Variants in SCTR observed in about 807,000 individuals in gnomAD.
SCTR encodes the protein pancreatic secretin receptor.
In SCTR, 56 loss-of-function variants were observed where a neutral mutation model predicts 60.8. The ratio of observed to expected loss-of-function variants is 0.92; its 90% CI spans 0.74 to 1.15. SCTR has a LOEUF of 1.15. SCTR is among the 50% of genes most tolerant of loss of function. SCTR has a pLI of 0.00. For synonymous variants in SCTR, 202 were observed against 217.0 expected (o/e 0.93, Z 0.61); for missense variants, 562 against 550.4 (o/e 1.02, Z -0.21).
At chr2:119,450,931 C>A (rs1011563868) in intron 9 of SCTR, among the ~76,000 whole-genome samples, 5 of 152,154 alleles carry the variant, frequency 3.3e-5, no homozygotes, top group African/African-American at 9.7e-5. Context: ...CCACTGCGCT[C>A]CAGCCTGGGT....
intron 10 of SCTR, 72 bp downstream of exon 10, chr2:119,448,617 A>G: frequency 2.3e-6 from 2 of 856,970 alleles, no homozygotes; most frequent in South Asian, 2.7e-5. Context: ...AGCTAGCACC[A>G]GTTAAGTAAA....
chr2:119,454,226 C>A (rs893068728), intron 7 of SCTR, among the ~76,000 whole-genome samples: 2 of 152,134 alleles, frequency 1.3e-5, no homozygotes, highest in South Asian at 2.1e-4. Context: ...ACCCGGTACC[C>A]AGGAGGCAGG....
intron 11 of SCTR, among the ~76,000 whole-genome samples, chr2:119,442,269 T>C (rs899501512): frequency 1.3e-5 from 2 of 152,176 alleles, no homozygotes; most frequent in African/African-American, 4.8e-5. Context: ...GGTGTGGAGC[T>C]CTGTCAGGGG....
At chr2:119,479,976 T>C (rs1198853021) in intron 2 of SCTR, 2 of 152,156 alleles carry the variant, frequency 1.3e-5, no homozygotes, top group African/African-American at 4.8e-5. Flanking sequence ...TTCAATGGGG[T>C]GTCAGGTCTT....
chr2:119,490,980 C>T (rs1270150336), intron 2 of SCTR, among the ~76,000 whole-genome samples: 2 of 152,158 alleles, frequency 1.3e-5, no homozygotes, highest in African/African-American at 2.4e-5. Context: ...TCCACAAGTG[C>T]CCACAGTGAT....
intron 4 of SCTR, among the ~76,000 whole-genome samples, chr2:119,466,321 C>G (rs1683833292): frequency 6.6e-6 from 1 of 152,156 alleles, no homozygotes; most frequent in African/African-American, 2.4e-5. Context: ...CTTCTGGATC[C>G]ACTTAAAATG....
Position 119,502,917 on chromosome 2 carries a change from C to T in SCTR, c.73-8369G>A, listed in dbSNP as rs532752420. On this transcript the variant is annotated intron_variant, in intron 1 of 12. Transcript: ENST00000019103. ...CAGCACTTTCAGCACTTTGAGAGAC[C>T]GAGGCAGGTAGATCATGAGGTCAGG... Among the ~76,000 whole-genome samples, 340 of 151,388 alleles carry T rather than the reference C, an allele frequency of 2.2e-3. 2 individuals carry two copies. The highest frequency in any genetic ancestry group is 2.8e-3 in the Admixed American group (42 of 15,210).
At chr2:119,508,366 T>C (rs1299717564) in intron 1 of SCTR, among the ~76,000 whole-genome samples, 5 of 136,370 alleles carry the variant, frequency 3.7e-5, no homozygotes, top group Non-Finnish European at 6.3e-5. Context: ...TTCTTTCTTT[T>C]TCTTCTTCTT....
At chr2:119,517,398 C>T (rs1418618067) in intron 1 of SCTR, among the ~76,000 whole-genome samples, 1 of 152,144 alleles carries the variant, frequency 6.6e-6, no homozygotes, top group Non-Finnish European at 1.5e-5. Flanking sequence ...AGGCTCAAGC[C>T]ATCCACCTGC....
intron 3 of SCTR, 45 bp downstream of exon 3, chr2:119,478,766 A>G (rs1352042254): frequency 3.8e-6 from 6 of 1,593,568 alleles, no homozygotes; most frequent in Non-Finnish European, 5.2e-6. Context: ...ACCCAGAGGG[A>G]CACCCCTCAG....
rs528287303 is a variant in SCTR, at chr2:119,452,712, T to C, written c.851+575A>G. 5.3e-5 allele frequency among the ~76,000 whole-genome samples: 8 copies of C among 152,324 alleles called. No homozygotes were observed. In the East Asian group the frequency reaches 9.6e-4, roughly 18 times the overall value. ...TGTCTCATTTGACCTCATCCACTTATTGGCCTGGTTGTGTCATTATGCCCC... is the reference window on the plus strand; with the variant it reads ...TGTCTCATTTGACCTCATCCACTTACTGGCCTGGTTGTGTCATTATGCCCC... On this transcript the variant is annotated intron_variant, in intron 8 of 12. Transcript: ENST00000019103.
chr2:119,520,929 G>T (rs963301845), intron 1 of SCTR, among the ~76,000 whole-genome samples: 2 of 152,160 alleles, frequency 1.3e-5, no homozygotes, highest in African/African-American at 4.8e-5. Context: ...AAGCAGGGGC[G>T]ATTTTGCCCT....
chr2:119,492,352 G>A (rs1326761803), intron 2 of SCTR, among the ~76,000 whole-genome samples: 1 of 152,194 alleles, frequency 6.6e-6, no homozygotes, highest in Admixed American at 6.5e-5. Flanking sequence ...GAGCACAGCC[G>A]ACAACGCTTG....
chr2:119,444,472 T>C lies in SCTR; in HGVS notation c.1140+2287A>G, dbSNP rs186396581. 4.2e-3 allele frequency among the ~76,000 whole-genome samples: 478 copies of C among 114,214 alleles called. 70 individuals are homozygous for C. The highest frequency in any genetic ancestry group is 0.019 in the African/African-American group (438 of 23,586). 74.9% of individuals were successfully genotyped at this position (114,214 alleles called of 152,430 possible). A position where few individuals can be genotyped will look rare whatever the true frequency, so the allele number is the denominator to read the frequency against. ...ACGTACGTATATATATACACATATATACGTACGTATATATATACACATATA... is the reference window on the plus strand; with the variant it reads ...ACGTACGTATATATATACACATATACACGTACGTATATATATACACATATA... On this transcript the variant is annotated intron_variant, in intron 11 of 12. Coordinates refer to ENST00000019103, the MANE Select transcript of SCTR (RefSeq NM_002980.3).
chr2:119,441,674 C>T (rs1558828960), intron 11 of SCTR, 75 bp from the exon 12 acceptor site: 1 of 1,275,154 alleles, frequency 7.8e-7, no homozygotes, highest in East Asian at 2.4e-5. Context: ...CCAGCTGCAC[C>T]CTCCCCAGGT....
chr2:119,490,952 C>A (rs1284498449), intron 2 of SCTR, among the ~76,000 whole-genome samples: 1 of 152,120 alleles, frequency 6.6e-6, no homozygotes, highest in East Asian at 1.9e-4. Flanking sequence ...AGCTCCTGTG[C>A]GACTTGGAGG....
At chr2:119,505,786 A>T (rs1375507183) in intron 1 of SCTR, among the ~76,000 whole-genome samples, 1 of 152,046 alleles carries the variant, frequency 6.6e-6, no homozygotes, top group Non-Finnish European at 1.5e-5. Flanking sequence ...CAGCACACCA[A>T]CATGGCACAT....
rs1677113689 is a variant in SCTR at position 119,473,458 on chromosome 2, T to A, written c.400A>T (p.Lys134Ter). 35 of 1,611,738 alleles carry A rather than the reference T, an allele frequency of 2.2e-5. No homozygotes were observed. The highest frequency in any genetic ancestry group is 2.9e-5 in the Non-Finnish European group (34 of 1,177,892). ...GTGGAGGTTGACAGGCTTACCCGCT[T>A]CTCGTTGGAAGAGTCGTTCACATTA... ...GVNVNDSSNE[K>*]RHSYLLKLKV... The change falls in exon 4 of 13, where the codon AAG (lysine) becomes TAG (stop). Residue 134 changes from lysine (K) to a stop codon, truncating the protein, a stop_gained. Coordinates refer to ENST00000019103, the MANE Select transcript of SCTR (RefSeq NM_002980.3). LOFTEE classifies it high-confidence loss of function.
chr2:119,492,832 ATATTTATTTATTTATT>A (rs71788049), intron 2 of SCTR, among the ~76,000 whole-genome samples: 3,302 of 147,094 alleles, frequency 0.022, 50 homozygotes, highest in South Asian at 0.051. Context: ...TACTTTTTTA[ATATTTATTTATTTATT>A]TATTTATTTA....
Sources: allele counts gnomAD v4.1 joint callset (sites outside exome capture counted in the v4.1 genomes callset), GRCh38; gene constraint gnomAD v4.1.1; transcripts MANE v1.5; gene names NCBI Gene and HGNC (gene_info 2026-07-23, HGNC 2026-07-21).